Variants in ANKRD2 observed in about 807,000 individuals in gnomAD.
The protein encoded by ANKRD2 is ankyrin repeat domain 2, also known as ankyrin repeat domain-containing protein 2.
In ANKRD2, 35 loss-of-function variants were observed where a neutral mutation model predicts 37.3. That is an observed-to-expected ratio of 0.94 (90% confidence interval 0.72 to 1.24). ANKRD2 has a LOEUF of 1.24. Among genes scored for constraint, ANKRD2 ranks in the 50% most tolerant of loss-of-function variants. The pLI, the probability that ANKRD2 is intolerant of heterozygous loss-of-function variation, is 0.00. For synonymous variants in ANKRD2, 159 were observed against 186.5 expected, an observed-to-expected ratio of 0.85 and a Z score of 1.20; for missense variants, 410 against 445.6, an observed-to-expected ratio of 0.92 and a Z score of 0.72.
intron 2 of ANKRD2, 95 bp from the exon 3 acceptor site, chr10:97,578,145 C>CCCCCCCCCCA: frequency 2.7e-6 from 1 of 376,492 alleles, no homozygotes; most frequent in Non-Finnish European, 5.2e-6. Context: ...GGTCTTCCTG[C>CCCCCCCCCCA]CCACCCCACC....
At chr10:97,581,028 C>T (rs12569732) in intron 5 of ANKRD2, 75 bp downstream of exon 5, 2 of 1,332,588 alleles carry the variant, frequency 1.5e-6, no homozygotes, top group Non-Finnish European at 2.1e-6. Flanking sequence ...TCCCTGCCAC[C>T]TGTGCCAACC....
chr10:97,577,030 C>T (rs2040835425), intron 1 of ANKRD2, among the ~76,000 whole-genome samples: 1 of 150,720 alleles, frequency 6.6e-6, no homozygotes, highest in African/African-American at 2.4e-5. Context: ...CATTCTCTCT[C>T]TCTCTCACTG....
intron 4 of ANKRD2, among the ~76,000 whole-genome samples, chr10:97,579,499 G>A (rs549187037): frequency 8.6e-5 from 13 of 151,716 alleles, no homozygotes; most frequent in South Asian, 2.1e-4. Flanking sequence ...AAAACATAAC[G>A]TGAAATGTTC....
chr10:97,578,627 G>A (rs1185153071), intron 4 of ANKRD2, 22 bp downstream of exon 4: 53 of 1,528,252 alleles, frequency 3.5e-5, no homozygotes, highest in Non-Finnish European at 4.6e-5. Context: ...AGCCGCCCCT[G>A]ACCAGCCTCC....
chr10:97,573,769 G>T (rs1389932011), intron 1 of ANKRD2, among the ~76,000 whole-genome samples: 1 of 152,074 alleles, frequency 6.6e-6, no homozygotes, highest in Non-Finnish European at 1.5e-5. Context: ...ATCTAGTGTT[G>T]GCTCTGCCAA....
chr10:97,579,153 ATATATAG>A (rs2040866063), intron 4 of ANKRD2, among the ~76,000 whole-genome samples: 1 of 151,850 alleles, frequency 6.6e-6, no homozygotes, highest in African/African-American at 2.4e-5. Context: ...GTCTCTATAC[ATATATAG>A]ATAAAGATAT....
rs750080220 is a variant in ANKRD2, at chr10:97,582,600, C to G, written c.754-4C>G. The stretch of plus-strand genomic sequence containing the variant: ...GGCCATAGTGAGTGCCACACTGACT[C>G]TAGGAAGGGGATACTGCCCTGCATG... On this transcript the variant is annotated splice_region_variant and splice_polypyrimidine_tract_variant and intron_variant, in intron 7 of 8. Coordinates refer to ENST00000370655, the MANE Select transcript of ANKRD2 (RefSeq NM_001346793.2). 12 of 1,613,666 alleles carry G rather than the reference C, an allele frequency of 7.4e-6. No homozygotes were observed. In the Admixed American group the frequency reaches 1.7e-4, roughly 22 times the overall value.
In ANKRD2 at chr10:97,578,591, G is replaced by A; in HGVS notation, c.442G>A (p.Asp148Asn). Residue 148 changes from aspartate (D) to asparagine (N), a missense_variant, in exon 4 of 9, where the codon GAC becomes AAC. By Grantham distance (23) the Asp-to-Asn change is conservative. Coordinates refer to ENST00000370655, the MANE Select transcript of ANKRD2 (RefSeq NM_001346793.2). Reference sequence around the variant, plus strand: ...GTTCCTGGCTGACGGGGGGTCAGCCGACACGTGCGACCAGGTGATGCTCCT... The same window carrying A: ...GTTCCTGGCTGACGGGGGGTCAGCCAACACGTGCGACCAGGTGATGCTCCT... ...EKFLADGGSA[D>N]TCDQFRRTAL... 2 of 1,557,036 alleles carry A rather than the reference G, an allele frequency of 1.3e-6. No individual in the cohort carries two copies. The highest frequency in any genetic ancestry group is 1.2e-5 in the South Asian group (1 of 84,388).
At chr10:97,579,333 G>A (rs992263597) in intron 4 of ANKRD2, among the ~76,000 whole-genome samples, 1 of 145,264 alleles carries the variant, frequency 6.9e-6, no homozygotes, top group Non-Finnish European at 1.5e-5. Flanking sequence ...TTGAGACAGA[G>A]TCTCACTCTG....
chr10:97,581,451 G>T (rs759384092), intron 6 of ANKRD2, 37 bp downstream of exon 6: 4 of 1,604,186 alleles, frequency 2.5e-6, no homozygotes, highest in Non-Finnish European at 3.4e-6. Flanking sequence ...AGATATTGGG[G>T]TGGCTGTGGG....
At chr10:97,579,134 T>G (rs566389156) in intron 4 of ANKRD2, among the ~76,000 whole-genome samples, 1 of 151,712 alleles carries the variant, frequency 6.6e-6, no homozygotes, top group African/African-American at 2.4e-5. Context: ...AGCAACAGAG[T>G]GAGACCCTGT....
At chr10:97,575,745 C>T (rs903556391) in intron 1 of ANKRD2, among the ~76,000 whole-genome samples, 2 of 152,116 alleles carry the variant, frequency 1.3e-5, no homozygotes, top group Non-Finnish European at 2.9e-5. Flanking sequence ...CCTGTCTCTA[C>T]TAAAATACAA....
At chr10:97,580,978 T>C (rs1190464002) in intron 5 of ANKRD2, 25 bp downstream of exon 5, 7 of 1,556,272 alleles carry the variant, frequency 4.5e-6, no homozygotes, top group Non-Finnish European at 6.1e-6. Flanking sequence ...AGGTATTCAA[T>C]GGGAGACAGG....
At chr10:97,574,929 G>A (rs549708643) in intron 1 of ANKRD2, among the ~76,000 whole-genome samples, 7 of 152,346 alleles carry the variant, frequency 4.6e-5, no homozygotes, top group Non-Finnish European at 7.4e-5. Flanking sequence ...GCAAGGGGAC[G>A]CAGAGCAGTG....
rs148239796 is a variant in ANKRD2 at position 97,583,589 on chromosome 10, C to G, written c.866C>G (p.Pro289Arg). Residue 289 changes from proline to arginine, a missense_variant, in exon 9 of 9, where the codon CCG (proline) becomes CGG (arginine). Coordinates refer to ENST00000370655, the MANE Select transcript of ANKRD2 (RefSeq NM_001346793.2). Reference sequence around the variant, plus strand: ...CGCCCCCTCCAGGCAGGAAAGACCCCGACGGACCTGGTGCAGCTCTGGCAG... The same window carrying G: ...CGCCCCCTCCAGGCAGGAAAGACCCGGACGGACCTGGTGCAGCTCTGGCAG... ...MMTKNLAGKT[P>R]TDLVQLWQAD... The G allele has an allele frequency of 6.2e-7, 1 of 1,603,428 alleles. No individual in the cohort carries two copies. Among genetic ancestry groups the G allele is most frequent in the Non-Finnish European group, 8.5e-7 (1 of 1,175,878 alleles).
chr10:97,573,170 G>C (rs2040782023), intron 1 of ANKRD2, among the ~76,000 whole-genome samples: 1 of 152,198 alleles, frequency 6.6e-6, no homozygotes, highest in African/African-American at 2.4e-5. Flanking sequence ...AAAGCAGACA[G>C]CTGGGTGCTG....
chr10:97,576,136 G>A (rs567296971), intron 1 of ANKRD2, among the ~76,000 whole-genome samples: 116 of 152,284 alleles, frequency 7.6e-4, no homozygotes, highest in African/African-American at 2.6e-3. Flanking sequence ...CTGGGAAATC[G>A]GCTCTCAAAA....
intron 6 of ANKRD2, 149 bp downstream of exon 6, chr10:97,581,563 A>G: frequency 1.3e-6 from 1 of 762,354 alleles, no homozygotes; most frequent in South Asian, 1.8e-5. Context: ...ACAGTGTCCT[A>G]CTGGGCCTCC....
At chr10:97,582,206 A>T in intron 6 of ANKRD2, 109 bp from the exon 7 acceptor site, 1 of 876,558 alleles carries the variant, frequency 1.1e-6, no homozygotes, top group Non-Finnish European at 1.8e-6. Flanking sequence ...AGGCCTTGGC[A>T]CTAGGACTTG....
Sources: allele counts gnomAD v4.1 joint callset (sites outside exome capture counted in the v4.1 genomes callset), GRCh38; gene constraint gnomAD v4.1.1; transcripts MANE v1.5; gene names NCBI Gene and HGNC (gene_info 2026-07-23, HGNC 2026-07-21).